GALNT12: variants seen among roughly 807,000 people sequenced by gnomAD.
GALNT12 encodes polypeptide N-acetylgalactosaminyltransferase 12, also known as UDP-GalNAc:polypeptide N-acetylgalactosaminyltransferase 12.
A neutral mutation model predicts 55.5 loss-of-function variants in GALNT12; 45 were observed. That is an observed-to-expected ratio of 0.81 (90% confidence interval 0.64 to 1.04). GALNT12 has a LOEUF of 1.04. GALNT12 is among the 50% of genes least tolerant of loss of function. The pLI, the probability that GALNT12 is intolerant of heterozygous loss-of-function variation, is 0.00. For missense variants in GALNT12, 709 were observed against 754.8 expected, an observed-to-expected ratio of 0.94 and a Z score of 0.71; for synonymous variants, 304 against 312.2, an observed-to-expected ratio of 0.97 and a Z score of 0.28.
Position 98,808,045 on chromosome 9 carries a change from G to A in GALNT12, c.347G>A (p.Arg116His), listed in dbSNP as rs1421429267. The change falls in exon 1 of 10, where the codon CGC becomes CAC. Residue 116 changes from arginine (R) to histidine (H), a missense_variant. Physicochemically the swap from Arg to His is conservative, Grantham distance 29. Coordinates refer to ENST00000375011, the MANE Select transcript of GALNT12 (RefSeq NM_024642.5). ...YLSDRISLHR[R>H]LPERWNPLCK... ...AGCGACCGCATCTCACTGCACCGCC[G>A]CCTGCCCGAGCGCTGGAACCCGCTG... 2 of 1,580,566 alleles carry A rather than the reference G, an allele frequency of 1.3e-6. No homozygotes were observed. The highest frequency in any genetic ancestry group is 2.3e-5 in the East Asian group (1 of 43,748).
intron 2 of GALNT12, among the ~76,000 whole-genome samples, chr9:98,825,684 T>A (rs61576898): frequency 2.8e-4 from 43 of 152,290 alleles, no homozygotes; most frequent in African/African-American, 5.1e-4. Context: ...TGGATTTTTT[T>A]AAAAAATTGG....
intron 7 of GALNT12, among the ~76,000 whole-genome samples, chr9:98,843,022 C>T (rs1019527976): frequency 2.6e-5 from 4 of 152,020 alleles, no homozygotes; most frequent in Non-Finnish European, 5.9e-5. Context: ...GGCCAGTGGC[C>T]GCCACATGAA....
chr9:98,845,843 A>T (rs1292256331), intron 8 of GALNT12, 134 bp from the exon 9 acceptor site: 1 of 870,972 alleles, frequency 1.1e-6, no homozygotes, highest in African/African-American at 1.7e-5. Context: ...CCCATCACAC[A>T]GGCTCGTGTT....
At chr9:98,808,236 A>G (rs1324875666) in intron 1 of GALNT12, among the ~76,000 whole-genome samples, 167 bp downstream of exon 1, 3 of 152,160 alleles carry the variant, frequency 2.0e-5, no homozygotes, top group African/African-American at 7.2e-5. Flanking sequence ...CGGGGAGGCA[A>G]GAAAGTAAAA....
At position 98,849,786 on chromosome 9, in the gene GALNT12, G is replaced by T; in HGVS notation, c.*694G>T. ...TTGAGAGCGAACTTCTAACAATGCC[G>T]CACTGTAGTGTGGCTGGTTCTACCA... On this transcript the variant is annotated 3_prime_UTR_variant, in exon 10 of 10. Transcript: ENST00000375011. 1 of 392,032 alleles carries T rather than the reference G, an allele frequency of 2.6e-6. No individual in the cohort carries two copies. The highest frequency in any genetic ancestry group is 4.5e-6 in the Non-Finnish European group (1 of 222,880). 24.3% of individuals were successfully genotyped at this position (392,032 alleles called of 1,614,324 possible). A position where few individuals can be genotyped will look rare whatever the true frequency, so the allele number is the denominator to read the frequency against.
chr9:98,809,743 A>G (rs991051292), intron 1 of GALNT12, among the ~76,000 whole-genome samples: 2 of 152,230 alleles, frequency 1.3e-5, no homozygotes, highest in Non-Finnish European at 2.9e-5. Context: ...AGAGTCATCC[A>G]GGGATTGGTT....
At chr9:98,820,156 C>T (rs1034374439) in intron 1 of GALNT12, among the ~76,000 whole-genome samples, 117 of 152,014 alleles carry the variant, frequency 7.7e-4, no homozygotes, top group African/African-American at 2.7e-3. Context: ...CATAGGTAAA[C>T]GTGTGCCATG....
At chr9:98,842,394 G>T (rs1836313597) in intron 7 of GALNT12, among the ~76,000 whole-genome samples, 1 of 151,992 alleles carries the variant, frequency 6.6e-6, no homozygotes, top group Admixed American at 6.6e-5. Flanking sequence ...TCGCTATGTT[G>T]CCCAGGCTGG....
At position 98,825,237 on chromosome 9, in the gene GALNT12, C is replaced by T. The variant is rs539026270; in HGVS notation, c.542-1515C>T. ...AATATATTAATCTAAAGTCAAAGAG[C>T]GGATTATTTATTTTATAATAATGGG... On this transcript the variant is annotated intron_variant, in intron 2 of 9. Coordinates refer to ENST00000375011, the MANE Select transcript of GALNT12 (RefSeq NM_024642.5). 1.6e-4 allele frequency among the ~76,000 whole-genome samples: 24 copies of T among 152,198 alleles called. No homozygotes were observed. In the East Asian group the frequency reaches 1.9e-3, roughly 12 times the overall value.
At chr9:98,827,014 C>T (rs1835873787) in intron 3 of GALNT12, 73 bp downstream of exon 3, 21 of 1,482,922 alleles carry the variant, frequency 1.4e-5, no homozygotes, top group East Asian at 1.2e-4. Flanking sequence ...AGACTCATCA[C>T]GTCACTTGAG....
chr9:98,831,716 T>C, intron 3 of GALNT12, 56 bp from the exon 4 acceptor site: 2 of 1,599,792 alleles, frequency 1.3e-6, no homozygotes, highest in Non-Finnish European at 1.7e-6. Flanking sequence ...TTCCCAATTG[T>C]CTTCCTGCTG....
intron 3 of GALNT12, among the ~76,000 whole-genome samples, chr9:98,828,805 G>A (rs925766318): frequency 2.6e-5 from 4 of 151,982 alleles, no homozygotes; most frequent in Non-Finnish European, 5.9e-5. Context: ...ATTTATCTTT[G>A]TGTTACTAAT....
intron 1 of GALNT12, among the ~76,000 whole-genome samples, chr9:98,819,186 A>C (rs955527021): frequency 6.6e-6 from 1 of 152,198 alleles, no homozygotes; most frequent in Non-Finnish European, 1.5e-5. Context: ...CCTGCATTTC[A>C]TGTGTGGTGG....
chr9:98,831,620 C>A, intron 3 of GALNT12, 152 bp from the exon 4 acceptor site: 1 of 926,682 alleles, frequency 1.1e-6, no homozygotes, highest in Non-Finnish European at 1.7e-6. Flanking sequence ...TCTGACACGG[C>A]TGCAGACACC....
chr9:98,845,872 T>A lies in GALNT12; in HGVS notation c.1459-105T>A, dbSNP rs73496194. 5.7e-3 allele frequency: 7,130 copies of A among 1,241,372 alleles called. 351 individuals carry two copies. In the African/African-American group the frequency reaches 0.095, roughly 17 times the overall value. 76.9% of individuals were successfully genotyped at this position (1,241,372 alleles called of 1,614,324 possible). ...TCGTGTTGGTGGTGACGCAGGTGCATGACCCCACCCATGCTCTCGTGATCC... is the reference window on the plus strand; with the variant it reads ...TCGTGTTGGTGGTGACGCAGGTGCAAGACCCCACCCATGCTCTCGTGATCC... On this transcript the variant is annotated intron_variant, in intron 8 of 9. Coordinates refer to ENST00000375011, the MANE Select transcript of GALNT12 (RefSeq NM_024642.5).
chr9:98,840,318 G>A (rs997246900), intron 7 of GALNT12, among the ~76,000 whole-genome samples, 185 bp downstream of exon 7: 4 of 145,170 alleles, frequency 2.8e-5, no homozygotes, highest in Admixed American at 7.2e-5. Flanking sequence ...CGTCTGGGCC[G>A]TAGGTGCAGA....
At chr9:98,827,019 C>T in intron 3 of GALNT12, 78 bp downstream of exon 3, 1 of 1,464,546 alleles carries the variant, frequency 6.8e-7, no homozygotes, top group Non-Finnish European at 9.3e-7. Context: ...CATCACGTCA[C>T]TTGAGGGTTA....
chr9:98,837,053 C>T lies in GALNT12; in HGVS notation c.1117C>T (p.Arg373Cys), dbSNP rs371373776. The T allele has an allele frequency of 1.1e-5, 18 of 1,614,040 alleles. No homozygotes were observed. The highest frequency in any genetic ancestry group is 1.6e-4 in the Middle Eastern group (1 of 6,084). The change falls in exon 6 of 10, where the codon CGC (arginine) becomes TGC (cysteine). Residue 373 changes from arginine to cysteine, a missense_variant. Transcript: ENST00000375011. Reference sequence around the variant, plus strand: ...TTTCCCCAAGCAAGCTCCCTACTCCCGCAACAAGGCTCTGGCCAACAGTGT... The same window carrying T: ...TTTCCCCAAGCAAGCTCCCTACTCCTGCAACAAGGCTCTGGCCAACAGTGT... ...HVFPKQAPYS[R>C]NKALANSVRA...
Position 98,849,612 on chromosome 9 carries a change from T to C in GALNT12, c.*520T>C, listed in dbSNP as rs560853294. On this transcript the variant is annotated 3_prime_UTR_variant, in exon 10 of 10. Transcript: ENST00000375011. ...ACATTGTATTGATTTATTCAGGTCATTGAGATCTTCTAGATGTATTTTAAA... is the reference window on the plus strand; with the variant it reads ...ACATTGTATTGATTTATTCAGGTCACTGAGATCTTCTAGATGTATTTTAAA... 20 of 416,286 alleles carry C rather than the reference T, an allele frequency of 4.8e-5. No homozygotes were observed. Among genetic ancestry groups the C allele is most frequent in the African/African-American group, 3.7e-4 (18 of 48,908 alleles). The allele number at this position is 416,286 out of a possible 1,614,324, so 25.8% of individuals were successfully genotyped here.
Sources: gnomAD v4.1 joint callset for allele counts (sites outside exome capture counted in the v4.1 genomes callset) on GRCh38, gnomAD v4.1.1 for gene constraint, MANE v1.5 for transcripts, NCBI Gene and HGNC (gene_info 2026-07-23, HGNC 2026-07-21) for gene names.